Variants in HSP90AA1 observed in about 807,000 individuals in gnomAD.
HSP90AA1 encodes the protein heat shock protein HSP 90-alpha.
A neutral mutation model predicts 73.3 loss-of-function variants in HSP90AA1; 18 were observed. The ratio of observed to expected loss-of-function variants is 0.25; its 90% confidence interval spans 0.17 to 0.36. The LOEUF is 0.36. Ranked by LOEUF, HSP90AA1 falls within the 10% of genes least tolerant of loss-of-function variation. HSP90AA1 has a pLI of 1.00. For missense variants in HSP90AA1, 704 were observed against 874.2 expected, an observed-to-expected ratio of 0.81 and a Z score of 2.45; for synonymous variants, 477 against 296.9, an observed-to-expected ratio of 1.61 and a Z score of -6.24.
chr14:102,112,708 TGGCCTCAA>T lies in HSP90AA1; in HGVS notation c.156-10631_156-10624del, dbSNP rs1411121819. On this transcript the variant is annotated intron_variant, in intron 1 of 11. Coordinates refer to the HSP90AA1 transcript ENST00000334701. ...GTTGCCCAAGCTGGTCTTGAGCTCTTGGCCTCAAGGCATCCTCCTGGCTTTACCTCTCA... is the reference window on the plus strand; with the variant it reads ...GTTGCCCAAGCTGGTCTTGAGCTCTTGGCATCCTCCTGGCTTTACCTCTCA... 2.0e-5 allele frequency among the ~76,000 whole-genome samples: 3 copies of T among 151,584 alleles called. No homozygotes were observed. In the East Asian group the frequency reaches 5.9e-4, roughly 30 times the overall value.
At chr14:102,118,882 C>G (rs1873560581) in intron 1 of HSP90AA1, among the ~76,000 whole-genome samples, 1 of 130,070 alleles carries the variant, frequency 7.7e-6, no homozygotes, top group African/African-American at 2.9e-5. Context: ...GAGACAAAGT[C>G]TCATTTCTAT....
intron 1 of HSP90AA1, among the ~76,000 whole-genome samples, chr14:102,106,054 C>T (rs950281885): frequency 1.3e-5 from 2 of 151,516 alleles, no homozygotes; most frequent in Admixed American, 6.6e-5. Flanking sequence ...CTAGCCTGGG[C>T]GACAGAGTGA....
At chr14:102,127,843 T>G (rs577644332) in intron 1 of HSP90AA1, among the ~76,000 whole-genome samples, 1 of 152,218 alleles carries the variant, frequency 6.6e-6, no homozygotes, top group Admixed American at 6.5e-5. Context: ...AGACAGGGCC[T>G]TGCTATGTTG....
Position 102,117,950 on chromosome 14 carries a change from T to C in HSP90AA1, c.156-15865A>G, listed in dbSNP as rs142605910. Reference sequence around the variant, plus strand: ...TGCCAGCTGGGGAAGCTGCTTGCGATGTCCCTGGTCCAGCTGCAGCCTTGT... The same window carrying C: ...TGCCAGCTGGGGAAGCTGCTTGCGACGTCCCTGGTCCAGCTGCAGCCTTGT... On this transcript the variant is annotated intron_variant, in intron 1 of 11. Transcript: ENST00000334701. Among the ~76,000 whole-genome samples, 349 of 152,312 alleles carry C rather than the reference T, an allele frequency of 2.3e-3. 1 individual carries two copies. Among genetic ancestry groups the C allele is most frequent in the East Asian group, 1.2e-3 (6 of 5,176 alleles).
upstream of HSP90AA1, among the ~76,000 whole-genome samples, chr14:102,088,641 G>T (rs1432460261): frequency 6.6e-6 from 1 of 152,172 alleles, no homozygotes; most frequent in Non-Finnish European, 1.5e-5. Context: ...GCGCGCCCCC[G>T]GCCCAGGCTT....
intron 1 of HSP90AA1, among the ~76,000 whole-genome samples, chr14:102,119,647 C>T (rs1566733706): frequency 6.6e-6 from 1 of 152,150 alleles, no homozygotes; most frequent in Admixed American, 6.6e-5. Context: ...TGCCACCATG[C>T]CTGGCTAATT....
upstream of HSP90AA1, among the ~76,000 whole-genome samples, chr14:102,087,940 T>C (rs1247369590): frequency 1.5e-5 from 2 of 133,944 alleles, no homozygotes; most frequent in Non-Finnish European, 3.2e-5. Context: ...GGTTTTTTTT[T>C]TTTTTTTTTT....
chr14:102,085,521 AGGTT>A (rs1198714128), intron 3 of HSP90AA1, 90 bp from the exon 4 acceptor site: 6 of 1,376,656 alleles, frequency 4.4e-6, no homozygotes, highest in Non-Finnish European at 6.2e-6. Context: ...CTATAAAGCA[AGGTT>A]TGCCGTTACT....
intron 1 of HSP90AA1, among the ~76,000 whole-genome samples, chr14:102,112,000 A>G (rs1039537322): frequency 4.6e-5 from 7 of 152,192 alleles, no homozygotes; most frequent in Non-Finnish European, 1.0e-4. Flanking sequence ...AAAGTGATGT[A>G]CCTTGGTATA....
chr14:102,086,979 C>T lies in HSP90AA1; in HGVS notation c.-1+7G>A. 2 of 985,412 alleles carry T rather than the reference C, an allele frequency of 2.0e-6. No individual in the cohort carries two copies. Among genetic ancestry groups the T allele is most frequent in the Non-Finnish European group, 2.4e-6 (2 of 830,158 alleles). The allele number at this position is 985,412 out of a possible 1,614,324, so 61.0% of individuals were successfully genotyped here. A position where few individuals can be genotyped will look rare whatever the true frequency, so the allele number is the denominator to read the frequency against. On this transcript the variant is annotated splice_region_variant and intron_variant, in intron 1 of 10. Transcript: ENST00000216281. ...CACCTCCACAGGCCCCCACAACCACCCGTCACCTTGGCTAAGTGACCGCAC... is the reference window on the plus strand; with the variant it reads ...CACCTCCACAGGCCCCCACAACCACTCGTCACCTTGGCTAAGTGACCGCAC...
chr14:102,121,161 C>G (rs935411591), intron 1 of HSP90AA1, among the ~76,000 whole-genome samples: 3 of 151,904 alleles, frequency 2.0e-5, no homozygotes, highest in African/African-American at 7.3e-5. Flanking sequence ...CTCAGCCTTC[C>G]AAAGTGCTAG....
At chr14:102,084,175 G>T in intron 6 of HSP90AA1, 192 bp from the exon 7 acceptor site, 1 of 685,864 alleles carries the variant, frequency 1.5e-6, no homozygotes, top group Middle Eastern at 3.0e-4. Flanking sequence ...GGGGGTTCAA[G>T]CTGTTTTCAT....
intron 2 of HSP90AA1, among the ~76,000 whole-genome samples, chr14:102,100,587 G>T (rs982232125): frequency 6.6e-6 from 1 of 152,074 alleles, no homozygotes; most frequent in Non-Finnish European, 1.5e-5. Context: ...CATCATGCCC[G>T]CCTAATTTTG....
At chr14:102,088,526 C>T (rs903937130), upstream of HSP90AA1, among the ~76,000 whole-genome samples, 2 of 152,216 alleles carry the variant, frequency 1.3e-5, no homozygotes, top group Non-Finnish European at 2.9e-5. Context: ...CCTGGCATTA[C>T]AAAGCGGGGG....
intron 2 of HSP90AA1, among the ~76,000 whole-genome samples, chr14:102,101,525 A>G (rs1422843951): frequency 6.6e-6 from 1 of 152,162 alleles, no homozygotes; most frequent in Non-Finnish European, 1.5e-5. Context: ...GTCCTCCGTG[A>G]GTGGGTGCTC....
intron 1 of HSP90AA1, among the ~76,000 whole-genome samples, chr14:102,124,190 A>AT (rs35232557): frequency 0.1 from 12,880 of 128,086 alleles, 1,537 homozygotes; most frequent in African/African-American, 0.27. Context: ...TTGAATGCTA[A>AT]TTTTTTTTTT....
At chr14:102,117,474 G>T (rs149061976) in intron 1 of HSP90AA1, among the ~76,000 whole-genome samples, 1 of 150,610 alleles carries the variant, frequency 6.6e-6, no homozygotes. Context: ...CTGCAGAGAT[G>T]AGCTACCCTC....
rs773910133 is a variant in HSP90AA1, at chr14:102,081,158, C to CT, written c.*553dup. 3.9e-5 allele frequency: 9 copies of CT among 233,630 alleles called. No individual in the cohort carries two copies. Among genetic ancestry groups the CT allele is most frequent in the Non-Finnish European group, 6.8e-5 (8 of 117,730 alleles). The allele number at this position is 233,630 out of a possible 1,614,324, so 14.5% of individuals were successfully genotyped here. ...TATTTTTGAACAGCTTTACGATATG[C>CT]TTAGGTAGGCTTTTAACTTTGCTCC... On this transcript the variant is annotated 3_prime_UTR_variant, in exon 11 of 11. Coordinates refer to ENST00000216281, the MANE Select transcript of HSP90AA1 (RefSeq NM_005348.4).
intron 1 of HSP90AA1, among the ~76,000 whole-genome samples, chr14:102,102,867 A>C (rs1384261571): frequency 6.6e-6 from 1 of 151,724 alleles, no homozygotes; most frequent in African/African-American, 2.4e-5. Context: ...AAGACCCCCC[A>C]AAAAAGAAAC....
Sources: allele counts gnomAD v4.1 joint callset (sites outside exome capture counted in the v4.1 genomes callset), GRCh38; gene constraint gnomAD v4.1.1; transcripts MANE v1.5; gene names NCBI Gene and HGNC (gene_info 2026-07-23, HGNC 2026-07-21).